STK33: variants seen among roughly 807,000 people sequenced by gnomAD.
STK33 encodes the protein serine/threonine-protein kinase 33.
A neutral mutation model predicts 58.0 loss-of-function variants in STK33; 52 were observed. That is an observed-to-expected ratio of 0.90 (90% CI 0.72 to 1.13). The LOEUF (loss-of-function observed/expected upper bound fraction) is 1.13, where lower values mean the gene tolerates loss of function less well. Among genes scored for constraint, STK33 ranks in the 50% most tolerant of loss-of-function variants. The pLI, the probability that STK33 is intolerant of heterozygous loss-of-function variation, is 0.00. For synonymous variants in STK33, 215 were observed against 200.1 expected (o/e 1.07, Z -0.63); for missense variants, 630 against 604.2 (o/e 1.04, Z -0.45).
At chr11:8,373,913 T>C in the STK33 span, among the ~76,000 whole-genome samples, 1 of 152,192 alleles carries the variant, frequency 6.6e-6, no homozygotes, top group African/African-American at 2.4e-5. Flanking sequence ...TCACCAGCAG[T>C]CCAAGTGTTC....
intron 15 of STK33, among the ~76,000 whole-genome samples, chr11:8,399,498 G>T (rs1294356264): frequency 1.3e-5 from 2 of 152,208 alleles, no homozygotes; most frequent in Non-Finnish European, 2.9e-5. Context: ...AGCACTAAAT[G>T]TCCACAAGAG....
chr11:8,420,592 T>C (rs1178790815), intron 14 of STK33, among the ~76,000 whole-genome samples: 6 of 152,214 alleles, frequency 3.9e-5, no homozygotes, highest in Non-Finnish European at 8.8e-5. Context: ...TTTTCCTCCT[T>C]CTTGTCTTCC....
intron 1 of STK33, among the ~76,000 whole-genome samples, chr11:8,482,744 T>A (rs1023275029): frequency 2.0e-4 from 30 of 152,038 alleles, no homozygotes; most frequent in Middle Eastern, 3.2e-3. Flanking sequence ...TTATTTATTT[T>A]TTTGAGACAG....
At chr11:8,512,522 T>C (rs1397257929) in intron 1 of STK33, among the ~76,000 whole-genome samples, 1 of 152,208 alleles carries the variant, frequency 6.6e-6, no homozygotes, top group African/African-American at 2.4e-5. Context: ...AGCATTCCTG[T>C]AACAGCTATG....
chr11:8,593,732 CCA>C (rs1347179831), intron 1 of STK33: 1 of 152,260 alleles, frequency 6.6e-6, no homozygotes, highest in East Asian at 1.9e-4. Flanking sequence ...AGGATGTTTC[CCA>C]CACACTTACC....
chr11:8,426,826 A>T (rs1942830704), intron 14 of STK33, among the ~76,000 whole-genome samples: 2 of 151,956 alleles, frequency 1.3e-5, no homozygotes, highest in African/African-American at 2.4e-5. Flanking sequence ...TATCATTGTT[A>T]TTTCAGTTTC....
At chr11:8,405,770 T>A (rs750017523) in intron 15 of STK33, among the ~76,000 whole-genome samples, 3 of 152,184 alleles carry the variant, frequency 2.0e-5, no homozygotes, top group Admixed American at 6.5e-5. Flanking sequence ...CCCTCATATA[T>A]ATCTACTATT....
the STK33 span, among the ~76,000 whole-genome samples, chr11:8,385,299 G>A: frequency 6.6e-5 from 10 of 152,178 alleles, no homozygotes; most frequent in East Asian, 3.9e-4. Flanking sequence ...ATCAGACGTC[G>A]AGCCCTCAAT....
chr11:8,412,119 T>A (rs1940355143), intron 15 of STK33, among the ~76,000 whole-genome samples: 1 of 152,180 alleles, frequency 6.6e-6, no homozygotes. Flanking sequence ...TATATGTAGA[T>A]GTATGTATGT....
At chr11:8,572,821 T>C (rs1329273998) in intron 1 of STK33, among the ~76,000 whole-genome samples, 1 of 151,892 alleles carries the variant, frequency 6.6e-6, no homozygotes, top group Admixed American at 6.6e-5. Context: ...GCAGATCAGA[T>C]ACTGCCGAAG....
chr11:8,494,226 A>G (rs1950871919), intron 1 of STK33, among the ~76,000 whole-genome samples: 1 of 152,248 alleles, frequency 6.6e-6, no homozygotes, highest in Non-Finnish European at 1.5e-5. Flanking sequence ...AATCTCCTTA[A>G]GCTGATAAGC....
At chr11:8,447,839 GT>G (rs1391960456) in intron 11 of STK33, among the ~76,000 whole-genome samples, 2 of 152,194 alleles carry the variant, frequency 1.3e-5, no homozygotes, top group South Asian at 4.1e-4. Context: ...AAAAGAGGAA[GT>G]CAAATTGTCC....
chr11:8,583,458 G>A (rs529662816), intron 1 of STK33, among the ~76,000 whole-genome samples: 76 of 152,320 alleles, frequency 5.0e-4, no homozygotes, highest in African/African-American at 1.6e-3. Context: ...TTCATAGGGA[G>A]CAAGTCTTGA....
At chr11:8,379,945 C>A in the STK33 span, among the ~76,000 whole-genome samples, 2 of 152,212 alleles carry the variant, frequency 1.3e-5, no homozygotes, top group Non-Finnish European at 2.9e-5. Flanking sequence ...CATATTCCTG[C>A]AAAGGACGTG....
chr11:8,380,170 G>GT, the STK33 span, among the ~76,000 whole-genome samples: 1 of 152,152 alleles, frequency 6.6e-6, no homozygotes, highest in African/African-American at 2.4e-5. Context: ...GGGTTGAATG[G>GT]TATTTGTGTT....
intron 14 of STK33, among the ~76,000 whole-genome samples, chr11:8,427,182 G>A (rs937796056): frequency 6.6e-6 from 1 of 151,986 alleles, no homozygotes; most frequent in Admixed American, 6.6e-5. Flanking sequence ...CTGAGCTCTT[G>A]TATATTTGAA....
chr11:8,464,096 C>G (rs766215368), intron 7 of STK33, among the ~76,000 whole-genome samples: 2 of 152,116 alleles, frequency 1.3e-5, no homozygotes, highest in African/African-American at 4.8e-5. Flanking sequence ...TTTTCCCAGG[C>G]ACAGAAATGA....
intron 1 of STK33, among the ~76,000 whole-genome samples, chr11:8,556,358 C>A (rs1445406502): frequency 2.0e-5 from 3 of 152,144 alleles, no homozygotes; most frequent in East Asian, 1.9e-4. Context: ...TGTAAGCCTG[C>A]AGGAATTCAG....
At chr11:8,343,787 G>A in the STK33 span, among the ~76,000 whole-genome samples, 3 of 152,040 alleles carry the variant, frequency 2.0e-5, no homozygotes, top group Non-Finnish European at 4.4e-5. Context: ...TGACCCTCTG[G>A]TGGCTCCTTA....
Sources: allele counts gnomAD v4.1 joint callset (sites outside exome capture counted in the v4.1 genomes callset), GRCh38; gene constraint gnomAD v4.1.1; transcripts MANE v1.5; gene names NCBI Gene and HGNC (gene_info 2026-07-23, HGNC 2026-07-21).